The following KCNH5 variants were observed in gnomAD, a reference collection of about 807,000 sequenced individuals.
KCNH5 encodes the protein voltage-gated delayed rectifier potassium channel KCNH5.
Under a neutral mutation model 96.1 loss-of-function variants are expected in KCNH5, and 46 were observed. The observed-to-expected ratio is 0.48, with a 90% CI of 0.38 to 0.61. KCNH5 has a LOEUF of 0.61. Among genes scored for constraint, KCNH5 ranks in the 20% least tolerant of loss-of-function variants. KCNH5 has a pLI of 0.00. For synonymous variants in KCNH5, 439 were observed against 449.8 expected, an observed-to-expected ratio of 0.98 and a Z score of 0.30; for missense variants, 907 against 1,225.8, an observed-to-expected ratio of 0.74 and a Z score of 3.88.
chr14:62,861,008 T>C (rs1326882333), intron 7 of KCNH5, among the ~76,000 whole-genome samples: 1 of 151,978 alleles, frequency 6.6e-6, no homozygotes, highest in Non-Finnish European at 1.5e-5. Flanking sequence ...CACTCAGAGG[T>C]TCCCAGAAGG....
intron 7 of KCNH5, among the ~76,000 whole-genome samples, chr14:62,856,609 G>A (rs971945098): frequency 2.6e-5 from 4 of 152,058 alleles, no homozygotes; most frequent in African/African-American, 7.2e-5. Context: ...AAATGGCTCC[G>A]GTTGGCCTTA....
At chr14:62,985,212 A>G (rs1890682464) in intron 5 of KCNH5, among the ~76,000 whole-genome samples, 1 of 152,172 alleles carries the variant, frequency 6.6e-6, no homozygotes, top group Non-Finnish European at 1.5e-5. Context: ...GTTAATATTT[A>G]GTTATATTAA....
chr14:62,711,898 A>G (rs1013368725), intron 10 of KCNH5, among the ~76,000 whole-genome samples: 10 of 152,222 alleles, frequency 6.6e-5, no homozygotes, highest in African/African-American at 2.4e-4. Context: ...CCACACATAA[A>G]GAGAGCCAGC....
intron 7 of KCNH5, among the ~76,000 whole-genome samples, chr14:62,865,653 C>T (rs937252926): frequency 1.3e-5 from 2 of 152,170 alleles, no homozygotes; most frequent in East Asian, 3.8e-4. Context: ...GTACTCTCTT[C>T]CTTTATGTTG....
chr14:62,719,211 C>T (rs1884752777), intron 10 of KCNH5, among the ~76,000 whole-genome samples: 1 of 152,176 alleles, frequency 6.6e-6, no homozygotes, highest in Non-Finnish European at 1.5e-5. Context: ...GGAATGGGAA[C>T]TATACTTCAA....
chr14:62,861,673 C>CACACACACACAT (rs1371234433), intron 7 of KCNH5, among the ~76,000 whole-genome samples: 1 of 148,656 alleles, frequency 6.7e-6, no homozygotes, highest in African/African-American at 2.5e-5. Context: ...CACACACACA[C>CACACACACACAT]ACGGTATAAT....
intron 10 of KCNH5, among the ~76,000 whole-genome samples, chr14:62,776,084 T>A (rs1359799290): frequency 1.3e-5 from 2 of 152,198 alleles, no homozygotes; most frequent in African/African-American, 4.8e-5. Context: ...CTGACCAACA[T>A]GGTGAAACCC....
At chr14:62,720,207 T>G (rs1884777237) in intron 10 of KCNH5, among the ~76,000 whole-genome samples, 1 of 151,972 alleles carries the variant, frequency 6.6e-6, no homozygotes, top group Non-Finnish European at 1.5e-5. Context: ...GAAGATATAG[T>G]GGGTAGCCTT....
At chr14:62,816,132 C>T (rs921096224) in intron 8 of KCNH5, among the ~76,000 whole-genome samples, 6 of 151,710 alleles carry the variant, frequency 4.0e-5, no homozygotes, top group Non-Finnish European at 7.4e-5. Flanking sequence ...AAAATAACAG[C>T]TACAAAGTTA....
intron 8 of KCNH5, among the ~76,000 whole-genome samples, chr14:62,841,663 C>T (rs1887587566): frequency 6.6e-6 from 1 of 152,232 alleles, no homozygotes; most frequent in South Asian, 2.1e-4. Context: ...TAACACAGTG[C>T]CTGTAGTTTA....
intron 9 of KCNH5, among the ~76,000 whole-genome samples, chr14:62,788,050 T>C (rs953913423): frequency 6.6e-6 from 1 of 152,204 alleles, no homozygotes; most frequent in African/African-American, 2.4e-5. Context: ...GGTAAGGCTA[T>C]AGCTGTCATA....
In KCNH5 at chr14:62,814,675, C is replaced by T. The variant is rs547696967; in HGVS notation, c.1570-12094G>A. 6.9e-5 allele frequency among the ~76,000 whole-genome samples: 10 copies of T among 145,804 alleles called. No homozygotes were observed. In the South Asian group the frequency reaches 1.8e-3, roughly 26 times the overall value. On this transcript the variant is annotated intron_variant, in intron 8 of 10. Coordinates refer to ENST00000322893, the MANE Select transcript of KCNH5 (RefSeq NM_139318.5). ...GCAGGCACCTGTAGTCCTAGCTACC[C>T]GGGAGGCTGAAGCAGGATAATCATT...
intron 2 of KCNH5, among the ~76,000 whole-genome samples, chr14:63,007,746 A>C (rs1008544191): frequency 6.6e-6 from 1 of 152,180 alleles, no homozygotes; most frequent in Non-Finnish European, 1.5e-5. Context: ...AATTTTCTTA[A>C]GATAGGTACA....
At chr14:62,888,135 T>G (rs1157782344) in intron 7 of KCNH5, among the ~76,000 whole-genome samples, 1 of 152,212 alleles carries the variant, frequency 6.6e-6, no homozygotes. Context: ...ATAAAACCTA[T>G]TTTATTAGAT....
At chr14:62,796,710 AG>A (rs1403769610) in intron 9 of KCNH5, among the ~76,000 whole-genome samples, 1 of 152,224 alleles carries the variant, frequency 6.6e-6, no homozygotes, top group South Asian at 2.1e-4. Context: ...ACACATCCTC[AG>A]GAAGTCCTGA....
intron 6 of KCNH5, among the ~76,000 whole-genome samples, chr14:62,963,965 C>A (rs376158854): frequency 6.6e-6 from 1 of 151,952 alleles, no homozygotes; most frequent in Non-Finnish European, 1.5e-5. Flanking sequence ...CTTTTTTCAA[C>A]AATTTTAATG....
intron 8 of KCNH5, among the ~76,000 whole-genome samples, chr14:62,822,147 T>C (rs944976509): frequency 6.6e-6 from 1 of 152,142 alleles, no homozygotes; most frequent in African/African-American, 2.4e-5. Context: ...TGGAGAGATA[T>C]ACCATGTTAA....
intron 7 of KCNH5, among the ~76,000 whole-genome samples, chr14:62,902,164 C>A (rs1169811121): frequency 6.6e-6 from 1 of 152,084 alleles, no homozygotes; most frequent in African/African-American, 2.4e-5. Context: ...ATGTAGGCTG[C>A]CACTTTACTC....
At chr14:62,956,478 T>A (rs1890106594) in intron 6 of KCNH5, among the ~76,000 whole-genome samples, 1 of 152,016 alleles carries the variant, frequency 6.6e-6, no homozygotes, top group South Asian at 2.1e-4. Flanking sequence ...CACTTAAGAT[T>A]GGGATAATTT....
Sources: allele counts gnomAD v4.1 joint callset (sites outside exome capture counted in the v4.1 genomes callset), GRCh38; gene constraint gnomAD v4.1.1; transcripts MANE v1.5; gene names NCBI Gene and HGNC (gene_info 2026-07-23, HGNC 2026-07-21).